CSMD1: variants seen among roughly 807,000 people sequenced by gnomAD.
CSMD1 encodes the protein CUB and Sushi multiple domains 1.
In CSMD1, 213 loss-of-function variants were observed where a neutral mutation model predicts 417.5. The ratio of observed to expected loss-of-function variants is 0.51; its 90% CI spans 0.46 to 0.57. The LOEUF (loss-of-function observed/expected upper bound fraction) is 0.57. CSMD1 is among the 20% of genes least tolerant of loss of function. The pLI is 0.00. For missense variants in CSMD1, 6,923 were observed against 4,529.7 expected, an observed-to-expected ratio of 1.53 and a Z score of -15.17; for synonymous variants, 2,862 against 1,736.8, an observed-to-expected ratio of 1.65 and a Z score of -16.11.
intron 3 of CSMD1, among the ~76,000 whole-genome samples, chr8:4,298,658 C>G (rs1797814025): frequency 6.6e-6 from 1 of 152,000 alleles, no homozygotes; most frequent in African/African-American, 2.4e-5. Context: ...TAATACAGTT[C>G]TAAGAAGTTA....
At chr8:3,835,400 G>T (rs191108560) in intron 5 of CSMD1, among the ~76,000 whole-genome samples, 2,352 of 152,128 alleles carry the variant, frequency 0.015, 57 homozygotes, top group African/African-American at 0.053. Context: ...AAAAAATGAT[G>T]AGTTCATGTC....
intron 1 of CSMD1, among the ~76,000 whole-genome samples, chr8:4,810,270 T>G (rs1203803167): frequency 6.6e-6 from 1 of 152,258 alleles, no homozygotes; most frequent in East Asian, 1.9e-4. Context: ...ATTTACCTAA[T>G]AAAATTCAAA....
At chr8:3,367,329 G>A (rs1051715380) in intron 19 of CSMD1, 82 bp from the exon 20 acceptor site, 2 of 838,944 alleles carry the variant, frequency 2.4e-6, no homozygotes, top group East Asian at 2.6e-5. Context: ...GCGGGGCAGA[G>A]AGAGACAGAG....
At chr8:3,846,062 A>T (rs75331130) in intron 5 of CSMD1, among the ~76,000 whole-genome samples, 9 of 136,496 alleles carry the variant, frequency 6.6e-5, no homozygotes, top group Admixed American at 7.1e-5. Flanking sequence ...AGTTAAAATT[A>T]AAAAAAAAAT....
At chr8:3,347,893 G>C (rs772662776) in intron 22 of CSMD1, 99 bp downstream of exon 22, 14 of 695,422 alleles carry the variant, frequency 2.0e-5, no homozygotes, top group Admixed American at 3.6e-5. Flanking sequence ...AAAAATATAT[G>C]TTAATATGTG....
chr8:3,484,449 G>C (rs918905872), intron 11 of CSMD1, among the ~76,000 whole-genome samples: 1 of 152,152 alleles, frequency 6.6e-6, no homozygotes, highest in Non-Finnish European at 1.5e-5. Context: ...AAAGGGATAA[G>C]AGACTTAAAT....
chr8:4,183,103 C>A (rs539434400), intron 3 of CSMD1, among the ~76,000 whole-genome samples: 1 of 152,122 alleles, frequency 6.6e-6, no homozygotes, highest in African/African-American at 2.4e-5. Flanking sequence ...ACCCTATATA[C>A]AGAGATCATC....
intron 5 of CSMD1, among the ~76,000 whole-genome samples, chr8:3,807,876 C>G (rs530196883): frequency 7.9e-5 from 12 of 152,190 alleles, no homozygotes; most frequent in African/African-American, 2.4e-4. Context: ...ATGCTAAGTA[C>G]AAAAGCAATC....
intron 12 of CSMD1, among the ~76,000 whole-genome samples, chr8:3,417,828 CTGT>C: frequency 6.7e-6 from 1 of 149,906 alleles, no homozygotes; most frequent in Non-Finnish European, 1.5e-5. Context: ...TCTACAGACC[CTGT>C]TTTTTGGAGA....
intron 41 of CSMD1, among the ~76,000 whole-genome samples, chr8:3,121,990 G>A (rs1170675590): frequency 1.2e-4 from 18 of 152,082 alleles, no homozygotes; most frequent in Admixed American, 1.2e-3. Context: ...TTAGGTTGGT[G>A]AAAATGTAAT....
intron 9 of CSMD1, among the ~76,000 whole-genome samples, chr8:3,579,513 A>C (rs1374710799): frequency 3.3e-5 from 5 of 152,156 alleles, no homozygotes; most frequent in Non-Finnish European, 7.3e-5. Context: ...CAAATTTATA[A>C]TTACATTGGA....
At chr8:3,226,330 C>G (rs374611788) in intron 27 of CSMD1, among the ~76,000 whole-genome samples, 51 of 152,230 alleles carry the variant, frequency 3.4e-4, no homozygotes, top group African/African-American at 1.2e-3. Context: ...CGCTTGTAAT[C>G]CCAGCACTTT....
chr8:4,137,501 C>G (rs897640668), intron 3 of CSMD1, among the ~76,000 whole-genome samples: 1 of 131,102 alleles, frequency 7.6e-6, no homozygotes, highest in East Asian at 2.0e-4. Context: ...CATTGTTTTT[C>G]CTTTTAAAAA....
At position 4,636,092 on chromosome 8, in the gene CSMD1, G is replaced by A. The variant is rs562018620; in HGVS notation, c.302+1250C>T. On this transcript the variant is annotated intron_variant, in intron 2 of 69. Transcript: ENST00000635120. ...ATAAACTAGATGTACACATAAAATTGTGTTTTCTGTAGAGATTTTTTTCTC... is the reference window on the plus strand; with the variant it reads ...ATAAACTAGATGTACACATAAAATTATGTTTTCTGTAGAGATTTTTTTCTC... Among the ~76,000 whole-genome samples, 306 of 152,002 alleles carry A rather than the reference G, an allele frequency of 2.0e-3. 1 individual carries two copies. The highest frequency in any genetic ancestry group is 7.0e-3 in the African/African-American group (289 of 41,498).
At chr8:3,739,957 T>A (rs1796708526) in intron 6 of CSMD1, among the ~76,000 whole-genome samples, 1 of 152,122 alleles carries the variant, frequency 6.6e-6, no homozygotes, top group Admixed American at 6.6e-5. Context: ...AATGCCAGAG[T>A]TCGATTCTCC....
At chr8:3,240,040 G>C (rs1392707684) in intron 26 of CSMD1, among the ~76,000 whole-genome samples, 1 of 152,136 alleles carries the variant, frequency 6.6e-6, no homozygotes, top group Non-Finnish European at 1.5e-5. Context: ...AGTGAGTTGA[G>C]CATAGTTTGT....
At chr8:3,679,441 C>T (rs966144124) in intron 7 of CSMD1, among the ~76,000 whole-genome samples, 13 of 152,096 alleles carry the variant, frequency 8.5e-5, no homozygotes, top group Non-Finnish European at 1.3e-4. Flanking sequence ...ACAAAGAAAG[C>T]CATTACGTAA....
At position 4,246,682 on chromosome 8, in the gene CSMD1, A is replaced by G. The variant is rs575557538; in HGVS notation, c.415+173271T>C. Among the ~76,000 whole-genome samples the G allele has an allele frequency of 3.9e-5, 6 of 152,158 alleles. No individual in the cohort carries two copies. The East Asian group carries it at 9.7e-4, about 25-fold the overall frequency. On this transcript the variant is annotated intron_variant, in intron 3 of 69. Transcript: ENST00000635120. The stretch of plus-strand genomic sequence containing the variant: ...AAAGAAACAAAAAACAACTTAACCC[A>G]TTTTTCCTTAATTTTTCATTGTTTT...
chr8:4,875,044 C>G (rs1054838291), intron 1 of CSMD1, among the ~76,000 whole-genome samples: 1 of 150,972 alleles, frequency 6.6e-6, no homozygotes, highest in Non-Finnish European at 1.5e-5. Flanking sequence ...CCCTCTCTGT[C>G]TTTCTTTCTT....
Sources: allele counts gnomAD v4.1 joint callset (sites outside exome capture counted in the v4.1 genomes callset), GRCh38; gene constraint gnomAD v4.1.1; transcripts MANE v1.5; gene names NCBI Gene and HGNC (gene_info 2026-07-23, HGNC 2026-07-21).